Variants in OCA2 observed in about 807,000 individuals in gnomAD.
The protein encoded by OCA2 is OCA2 melanosomal transmembrane protein, also known as P protein.
A neutral mutation model predicts 100.2 loss-of-function variants in OCA2; 77 were observed. The observed-to-expected ratio is 0.77, with a 90% CI of 0.64 to 0.93. The LOEUF is 0.93. OCA2 is among the 40% of genes least tolerant of loss of function. The pLI, the probability that OCA2 is intolerant of heterozygous loss-of-function variation, is 0.00. For synonymous variants in OCA2, 432 were observed against 439.2 expected, an observed-to-expected ratio of 0.98 and a Z score of 0.21; for missense variants, 1,062 against 1,089.1, an observed-to-expected ratio of 0.98 and a Z score of 0.35.
the OCA2 span, among the ~76,000 whole-genome samples, chr15:27,747,042 A>C: frequency 6.6e-6 from 1 of 152,336 alleles, no homozygotes; most frequent in African/African-American, 2.4e-5. Flanking sequence ...TCCTAAATGT[A>C]TCAATTTCAC....
intron 23 of OCA2, among the ~76,000 whole-genome samples, chr15:27,816,331 C>T (rs900880577): frequency 5.3e-5 from 8 of 152,192 alleles, no homozygotes; most frequent in South Asian, 2.1e-4. Context: ...TGTAAGGCTA[C>T]GTCTTTCTCC....
rs531094369 is a variant in OCA2 at position 28,075,470 on chromosome 15, G to A, written c.227+6178C>T. Among the ~76,000 whole-genome samples the A allele has an allele frequency of 2.0e-5, 3 of 152,314 alleles. No homozygotes were observed. The South Asian group carries it at 6.2e-4, about 32-fold the overall frequency. On this transcript the variant is annotated intron_variant, in intron 2 of 23. Coordinates refer to ENST00000354638, the MANE Select transcript of OCA2 (RefSeq NM_000275.3). ...GGACTGGAGCTCTCATGTATTGCTG[G>A]TGAAAATGCAAAATGGTACAGCTTC...
chr15:27,889,388 A>C (rs1595581905), intron 19 of OCA2, among the ~76,000 whole-genome samples: 2 of 152,278 alleles, frequency 1.3e-5, no homozygotes, highest in East Asian at 3.9e-4. Context: ...ACACATGCTC[A>C]GTTCCTGCCA....
chr15:27,809,626 ACT>A (rs1264493770), intron 23 of OCA2, among the ~76,000 whole-genome samples: 1 of 152,054 alleles, frequency 6.6e-6, no homozygotes, highest in Non-Finnish European at 1.5e-5. Context: ...AACCCTAAAG[ACT>A]CCTCCAAAAG....
chr15:27,812,913 T>TCACAGACC (rs1666030761), intron 23 of OCA2, among the ~76,000 whole-genome samples: 2 of 152,014 alleles, frequency 1.3e-5, no homozygotes, highest in South Asian at 4.2e-4. Flanking sequence ...CCCTCCTCCA[T>TCACAGACC]CACAGACCTC....
intron 18 of OCA2, among the ~76,000 whole-genome samples, chr15:27,926,892 G>A (rs2039062958): frequency 6.6e-6 from 1 of 152,130 alleles, no homozygotes; most frequent in Non-Finnish European, 1.5e-5. Flanking sequence ...GGGATTACAG[G>A]CATAAGCCAC....
chr15:27,854,852 G>A (rs370988721), intron 21 of OCA2, among the ~76,000 whole-genome samples: 1 of 152,234 alleles, frequency 6.6e-6, no homozygotes, highest in South Asian at 2.1e-4. Flanking sequence ...GGAACAAGGA[G>A]ACAGGGTCAG....
intron 21 of OCA2, among the ~76,000 whole-genome samples, chr15:27,865,361 A>C (rs1288808152): frequency 6.6e-6 from 1 of 152,104 alleles, no homozygotes; most frequent in Non-Finnish European, 1.5e-5. Context: ...TCCCCAGTGA[A>C]GAGTGTCCTG....
chr15:27,872,214 A>G (rs1043886946), intron 19 of OCA2, among the ~76,000 whole-genome samples: 4 of 152,254 alleles, frequency 2.6e-5, no homozygotes, highest in Non-Finnish European at 4.4e-5. Flanking sequence ...AGACCTGTGT[A>G]TAAAGATACT....
At chr15:27,958,883 C>T (rs1397904965) in intron 15 of OCA2, among the ~76,000 whole-genome samples, 3 of 152,164 alleles carry the variant, frequency 2.0e-5, no homozygotes, top group Non-Finnish European at 4.4e-5. Context: ...GGAAGAGCAG[C>T]TCGGGGCAGA....
At chr15:27,801,347 A>C (rs971546341) in intron 23 of OCA2, among the ~76,000 whole-genome samples, 1 of 152,108 alleles carries the variant, frequency 6.6e-6, no homozygotes, top group South Asian at 2.1e-4. Flanking sequence ...AGGTCAAGAG[A>C]TCAAGACCAT....
chr15:27,849,539 T>TA (rs1300236042), intron 22 of OCA2, among the ~76,000 whole-genome samples: 2 of 48,406 alleles, frequency 4.1e-5, no homozygotes, highest in South Asian at 2.4e-3. Context: ...GTCAGACCAG[T>TA]TAAAAAAAAA....
intron 23 of OCA2, among the ~76,000 whole-genome samples, chr15:27,783,032 C>CA (rs1383046507): frequency 1.3e-5 from 2 of 152,146 alleles, no homozygotes; most frequent in Non-Finnish European, 2.9e-5. Flanking sequence ...AAGGTGTTGA[C>CA]AAAATAGCAT....
intron 23 of OCA2, among the ~76,000 whole-genome samples, chr15:27,785,593 A>T (rs2032773106): frequency 6.6e-6 from 1 of 152,228 alleles, no homozygotes. Flanking sequence ...AAAAGAAAAG[A>T]AGTATTGAAG....
intron 21 of OCA2, among the ~76,000 whole-genome samples, chr15:27,865,811 G>A (rs547402672): frequency 1.6e-4 from 24 of 152,252 alleles, no homozygotes; most frequent in African/African-American, 5.5e-4. Context: ...GCAGAGGGAC[G>A]CATGACTGCA....
chr15:27,740,244 G>A, the OCA2 span, among the ~76,000 whole-genome samples: 1 of 152,188 alleles, frequency 6.6e-6, no homozygotes, highest in Non-Finnish European at 1.5e-5. Flanking sequence ...CCAGCCCTGT[G>A]CTTGGGTGTG....
chr15:27,886,378 CG>C (rs950395856), intron 19 of OCA2, among the ~76,000 whole-genome samples: 3 of 152,174 alleles, frequency 2.0e-5, no homozygotes, highest in Non-Finnish European at 4.4e-5. Context: ...TCAAACCAAA[CG>C]GCCGCTGAGA....
intron 1 of OCA2, among the ~76,000 whole-genome samples, chr15:28,090,503 T>C (rs1356721047): frequency 6.6e-6 from 1 of 152,176 alleles, no homozygotes. Flanking sequence ...GAGTATTCTG[T>C]AGCCACAATG....
At chr15:27,820,100 A>G (rs1180028793) in intron 23 of OCA2, among the ~76,000 whole-genome samples, 2 of 141,474 alleles carry the variant, frequency 1.4e-5, no homozygotes, top group African/African-American at 5.1e-5. Context: ...TATAACTCAA[A>G]GCACAAAATA....
Sources: allele counts gnomAD v4.1 joint callset (sites outside exome capture counted in the v4.1 genomes callset), GRCh38; gene constraint gnomAD v4.1.1; transcripts MANE v1.5; gene names NCBI Gene and HGNC (gene_info 2026-07-23, HGNC 2026-07-21).